PPARD: variants seen among roughly 807,000 people sequenced by gnomAD.
PPARD encodes the protein peroxisome proliferator-activated receptor delta.
In PPARD, 6 loss-of-function variants were observed where a neutral mutation model predicts 39.5. That is an observed-to-expected ratio of 0.15 (90% CI 0.08 to 0.30). PPARD has a LOEUF of 0.30. PPARD is among the 10% of genes least tolerant of loss of function. The pLI is 1.00. For missense variants in PPARD, 397 were observed against 596.8 expected (o/e 0.67, Z 3.49); for synonymous variants, 210 against 231.3 (o/e 0.91, Z 0.83).
chr6:35,391,543 T>G (rs1475044383), intron 2 of PPARD, among the ~76,000 whole-genome samples: 1 of 152,254 alleles, frequency 6.6e-6, no homozygotes, highest in Non-Finnish European at 1.5e-5. Flanking sequence ...TTCACCTAGT[T>G]AAGTTGGCAT....
At chr6:35,347,325 A>G (rs909740816) in intron 2 of PPARD, among the ~76,000 whole-genome samples, 175 bp downstream of exon 2, 12 of 152,122 alleles carry the variant, frequency 7.9e-5, no homozygotes, top group African/African-American at 2.7e-4. Context: ...TTATTAAGTA[A>G]TTATTGAAAG....
intron 2 of PPARD, among the ~76,000 whole-genome samples, chr6:35,389,503 G>A (rs1031103497): frequency 3.9e-5 from 6 of 151,996 alleles, no homozygotes; most frequent in African/African-American, 1.5e-4. Flanking sequence ...GTAGAGACAG[G>A]GGTTTCACCA....
In PPARD at chr6:35,354,557, C is replaced by T. The variant is rs375556051; in HGVS notation, c.-102+7407C>T. The stretch of plus-strand genomic sequence containing the variant: ...CAGGTGACCTGCCCACCTCGGCCTC[C>T]CAAAGTGCTGGAATTACAGGCATGA... On this transcript the variant is annotated intron_variant, in intron 2 of 7. Coordinates refer to ENST00000360694, the MANE Select transcript of PPARD (RefSeq NM_006238.5). Among the ~76,000 whole-genome samples the T allele has an allele frequency of 1.9e-3, 292 of 152,170 alleles. 1 individual carries two copies. The highest frequency in any genetic ancestry group is 6.5e-3 in the African/African-American group (269 of 41,526).
intron 3 of PPARD, among the ~76,000 whole-genome samples, chr6:35,413,107 G>A (rs914645339): frequency 6.6e-6 from 1 of 152,208 alleles, no homozygotes; most frequent in African/African-American, 2.4e-5. Context: ...GCAGTGTTCT[G>A]TCCTGGAGTT....
At position 35,378,547 on chromosome 6, in the gene PPARD, A is replaced by G. The variant is rs995612872; in HGVS notation, c.-102+31397A>G. On this transcript the variant is annotated intron_variant, in intron 2 of 7. Coordinates refer to ENST00000360694, the MANE Select transcript of PPARD (RefSeq NM_006238.5). The stretch of plus-strand genomic sequence containing the variant: ...CCAGACTTAAGAATGCATGCCCCAC[A>G]TTCCCTTCCCAAACTCAGCGTCTCT... 5.3e-5 allele frequency among the ~76,000 whole-genome samples: 8 copies of G among 152,302 alleles called. No individual in the cohort carries two copies. The South Asian group carries it at 1.0e-3, about 20-fold the overall frequency.
Position 35,410,668 on chromosome 6 carries a change from A to G in PPARD, c.-101-319A>G, listed in dbSNP as rs1023899202. 1.2e-4 allele frequency among the ~76,000 whole-genome samples: 19 copies of G among 152,124 alleles called. 1 individual carries two copies. The highest frequency in any genetic ancestry group is 4.6e-4 in the African/African-American group (19 of 41,418). On this transcript the variant is annotated intron_variant, in intron 2 of 7. Transcript: ENST00000360694. ...GGGAAAAGCCCCTCAAGTCATTCCA[A>G]TGTGCTTCCTGGAGACTCAGAACAG...
intron 2 of PPARD, among the ~76,000 whole-genome samples, chr6:35,355,444 T>C (rs1761518530): frequency 6.7e-6 from 1 of 149,964 alleles, no homozygotes; most frequent in Admixed American, 6.7e-5. Flanking sequence ...TCCTACTCCT[T>C]GGGGGGCTGA....
At chr6:35,378,934 C>A (rs1342922366) in intron 2 of PPARD, among the ~76,000 whole-genome samples, 1 of 152,052 alleles carries the variant, frequency 6.6e-6, no homozygotes, top group Non-Finnish European at 1.5e-5. Context: ...AGAAGGCAAT[C>A]GAACCTTTAA....
intron 2 of PPARD, among the ~76,000 whole-genome samples, chr6:35,360,242 A>G (rs1761857261): frequency 6.6e-6 from 1 of 151,918 alleles, no homozygotes. Flanking sequence ...GGTGGAAGGA[A>G]CTCTTAAGAG....
intron 2 of PPARD, among the ~76,000 whole-genome samples, chr6:35,350,684 G>A (rs1355925220): frequency 7.2e-6 from 1 of 138,726 alleles, no homozygotes; most frequent in Non-Finnish European, 1.5e-5. Flanking sequence ...GCAGTGGCGT[G>A]GCGTGATGTT....
chr6:35,400,554 C>CT (rs1352528775), intron 2 of PPARD, among the ~76,000 whole-genome samples: 1 of 152,118 alleles, frequency 6.6e-6, no homozygotes, highest in African/African-American at 2.4e-5. Context: ...AATCTCAGCA[C>CT]TTTGGGAGGC....
chr6:35,380,295 A>T (rs1763057304), intron 2 of PPARD, among the ~76,000 whole-genome samples: 1 of 152,054 alleles, frequency 6.6e-6, no homozygotes, highest in Non-Finnish European at 1.5e-5. Context: ...TGCTGTCCTC[A>T]TGGTCCAAAA....
intron 2 of PPARD, among the ~76,000 whole-genome samples, chr6:35,355,805 G>T (rs1242194128): frequency 6.6e-6 from 1 of 151,378 alleles, no homozygotes. Flanking sequence ...TAGAGACAGG[G>T]TTTCACGGTG....
intron 3 of PPARD, among the ~76,000 whole-genome samples, chr6:35,416,459 A>C (rs566894353): frequency 6.7e-6 from 1 of 149,530 alleles, no homozygotes; most frequent in East Asian, 2.0e-4. Flanking sequence ...CCGTGGCCTA[A>C]TCAAGTTGAT....
chr6:35,352,638 T>A lies in PPARD; in HGVS notation c.-102+5488T>A, dbSNP rs1761334583. On this transcript the variant is annotated intron_variant, in intron 2 of 7. Coordinates refer to ENST00000360694, the MANE Select transcript of PPARD (RefSeq NM_006238.5). The stretch of plus-strand genomic sequence containing the variant: ...AGCTGGGTGGTTCTTGCTTGGGATA[T>A]GTCATGTTGCTATAGTCAAATGAAG... 2.0e-5 allele frequency among the ~76,000 whole-genome samples: 3 copies of A among 152,212 alleles called. No individual in the cohort carries two copies. The South Asian group carries it at 6.2e-4, about 31-fold the overall frequency.
intron 2 of PPARD, among the ~76,000 whole-genome samples, chr6:35,367,923 T>C (rs1762290865): frequency 6.6e-6 from 1 of 152,206 alleles, no homozygotes; most frequent in African/African-American, 2.4e-5. Flanking sequence ...ACGCCACCTC[T>C]TGATGGAAAG....
At chr6:35,379,323 C>T (rs1378030971) in intron 2 of PPARD, among the ~76,000 whole-genome samples, 1 of 152,022 alleles carries the variant, frequency 6.6e-6, no homozygotes. Context: ...AGGCTAGTCT[C>T]GAACTCCTGA....
At chr6:35,357,817 A>G (rs976267567) in intron 2 of PPARD, among the ~76,000 whole-genome samples, 3 of 152,154 alleles carry the variant, frequency 2.0e-5, no homozygotes, top group African/African-American at 7.2e-5. Context: ...TATTACAGTC[A>G]TGAGCCACCA....
chr6:35,425,341 A>G lies in PPARD; in HGVS notation c.1079-491A>G. ...AATGTGGGGTGGAAAAATTGTCTGCATTTTTTCTGCATTTTTAAAATTCCA... is the reference window on the plus strand; with the variant it reads ...AATGTGGGGTGGAAAAATTGTCTGCGTTTTTTCTGCATTTTTAAAATTCCA... On this transcript the variant is annotated intron_variant, in intron 7 of 7. Coordinates refer to ENST00000360694, the MANE Select transcript of PPARD (RefSeq NM_006238.5). This position sits in a 1 kb window ranked among gnomAD's most constrained non-coding sequence, Gnocchi z 4.5. 1.0e-6 allele frequency: 1 copy of G among 1,004,874 alleles called. No individual in the cohort carries two copies. The highest frequency in any genetic ancestry group is 4.2e-5 in the South Asian group (1 of 23,574). 62.2% of individuals were successfully genotyped at this position (1,004,874 alleles called of 1,614,324 possible). A position where few individuals can be genotyped will look rare whatever the true frequency, so the allele number is the denominator to read the frequency against.
Sources: allele counts gnomAD v4.1 joint callset (sites outside exome capture counted in the v4.1 genomes callset), GRCh38; gene constraint gnomAD v4.1.1; non-coding constraint Gnocchi (gnomAD v3.1); transcripts MANE v1.5; gene names NCBI Gene and HGNC (gene_info 2026-07-23, HGNC 2026-07-21).